The following USP9X variants were observed in gnomAD, a reference collection of about 807,000 sequenced individuals.
The protein encoded by USP9X is ubiquitin carboxyl-terminal hydrolase 9X.
Under a neutral mutation model 190.3 loss-of-function variants are expected in USP9X, and 7 were observed. That is an observed-to-expected ratio of 0.04 (90% CI 0.02 to 0.07). The LOEUF is 0.07. Among genes scored for constraint, USP9X ranks in the 10% least tolerant of loss-of-function variants. The probability of loss-of-function intolerance (pLI) is 1.00; values close to 1 mark genes in which losing one functional copy is unlikely to be tolerated. For synonymous variants in USP9X, 645 were observed against 659.5 expected (o/e 0.98, Z 0.34); for missense variants, 1,010 against 1,916.9 (o/e 0.53, Z 8.83).
At chrX:41,147,177 T>C (rs1391125699) in intron 11 of USP9X, among the ~76,000 whole-genome samples, 5 of 106,132 alleles carry the variant, frequency 4.7e-5, no homozygotes, top group Admixed American at 4.1e-4. Flanking sequence ...TACAGAAGGT[T>C]TTTTTTTTTT....
intron 19 of USP9X, 21 bp downstream of exon 19, chrX:41,170,256 G>T: frequency 8.4e-7 from 1 of 1,189,828 alleles, no homozygotes; most frequent in Non-Finnish European, 1.1e-6. Context: ...ATAGTTAACA[G>T]ATTTTTCAAT....
chrX:41,124,415 G>T (rs940026193), intron 2 of USP9X, among the ~76,000 whole-genome samples: 1 of 111,700 alleles, frequency 9.0e-6, no homozygotes, highest in Non-Finnish European at 1.9e-5. Context: ...CTGCACTCCA[G>T]CCTGGGTGAC....
chrX:41,113,765 C>T (rs1000688548), intron 1 of USP9X, among the ~76,000 whole-genome samples: 4 of 110,650 alleles, frequency 3.6e-5, no homozygotes, highest in African/African-American at 1.3e-4. Flanking sequence ...AACTGCATAG[C>T]TTGGAAATAC....
intron 39 of USP9X, among the ~76,000 whole-genome samples, chrX:41,223,798 T>C (rs963343354): frequency 3.6e-5 from 4 of 111,718 alleles, no homozygotes; most frequent in African/African-American, 1.3e-4. Flanking sequence ...TGGAGGAAGA[T>C]TTTTGCTTTG....
intron 29 of USP9X, 104 bp downstream of exon 29, chrX:41,197,614 G>T: frequency 1.4e-6 from 1 of 723,047 alleles, no homozygotes; most frequent in East Asian, 4.2e-5. Context: ...GTACTTTCTT[G>T]ATCTTTTCTC....
At chrX:41,170,731 G>A in intron 20 of USP9X, 112 bp downstream of exon 20, 1 of 774,498 alleles carries the variant, frequency 1.3e-6, no homozygotes, top group African/African-American at 2.1e-5. Context: ...AGTTTAATGA[G>A]ACAAAAAAAT....
chrX:41,182,102 G>A (rs756437888), intron 21 of USP9X, among the ~76,000 whole-genome samples: 1 of 112,035 alleles, frequency 8.9e-6, no homozygotes, highest in South Asian at 3.7e-4. Context: ...ACTTCTGACC[G>A]GGTCACGCTG....
chrX:41,228,454 A>G, intron 41 of USP9X, among the ~76,000 whole-genome samples: 1 of 111,709 alleles, frequency 9.0e-6, no homozygotes. Context: ...GCCAAATTGT[A>G]CTATTGCCTG....
At chrX:41,178,401 C>G (rs960525298) in intron 21 of USP9X, among the ~76,000 whole-genome samples, 2 of 110,557 alleles carry the variant, frequency 1.8e-5, no homozygotes, top group Middle Eastern at 4.2e-3. Flanking sequence ...GTGCCCCTGC[C>G]AAGTCATCCT....
intron 1 of USP9X, among the ~76,000 whole-genome samples, chrX:41,086,633 C>T (rs1205268057): frequency 8.9e-6 from 1 of 112,317 alleles, no homozygotes; most frequent in African/African-American, 3.2e-5. Flanking sequence ...TCCGCCTCCC[C>T]CCACCCTCCC....
chrX:41,150,302 G>C (rs776448784), intron 12 of USP9X, among the ~76,000 whole-genome samples: 1 of 111,681 alleles, frequency 9.0e-6, no homozygotes, highest in Non-Finnish European at 1.9e-5. Context: ...ACTGAGGTTT[G>C]AGAAGTAAAA....
chrX:41,194,454 T>A (rs1488315398), intron 26 of USP9X, among the ~76,000 whole-genome samples: 1 of 111,278 alleles, frequency 9.0e-6, no homozygotes, highest in Non-Finnish European at 1.9e-5. Flanking sequence ...CTCGGGAGGC[T>A]GAGGCAGGAG....
chrX:41,224,661 C>A, intron 39 of USP9X, 81 bp from the exon 40 acceptor site: 1 of 870,112 alleles, frequency 1.1e-6, no homozygotes, highest in Non-Finnish European at 1.6e-6. Flanking sequence ...AAATTATAGG[C>A]TATTTTCTAT....
At chrX:41,115,321 C>CT (rs1360495761) in intron 1 of USP9X, among the ~76,000 whole-genome samples, 1 of 110,638 alleles carries the variant, frequency 9.0e-6, no homozygotes. Flanking sequence ...AGTTAGGTCT[C>CT]TTGTCTCTAG....
At chrX:41,133,250 C>T (rs1023076372) in intron 4 of USP9X, among the ~76,000 whole-genome samples, 4 of 111,725 alleles carry the variant, frequency 3.6e-5, no homozygotes, top group African/African-American at 1.3e-4. Flanking sequence ...AAATACAATA[C>T]GCGGACAGGT....
intron 39 of USP9X, among the ~76,000 whole-genome samples, chrX:41,223,683 G>A (rs190208965): frequency 1.2e-4 from 13 of 111,200 alleles, no homozygotes; most frequent in African/African-American, 3.9e-4. Flanking sequence ...GTGATCTGCC[G>A]TCCTCGGCCT....
rs571196777 is a variant in USP9X at position 41,155,808 on chromosome X, C to T, written c.1897+2727C>T. Among the ~76,000 whole-genome samples the T allele has an allele frequency of 7.2e-4, 81 of 111,851 alleles. 2 individuals are homozygous for T. In the South Asian group the frequency reaches 0.028, roughly 39 times the overall value. The stretch of plus-strand genomic sequence containing the variant: ...AACAATTTGTACCTTCTTGGAGAAA[C>T]GGCTGTTTCCAGGCGTGGAACAGGG... On this transcript the variant is annotated intron_variant, in intron 14 of 44. Transcript: ENST00000378308.
chrX:41,135,250 C>A (rs2062361344), intron 5 of USP9X, among the ~76,000 whole-genome samples: 1 of 110,756 alleles, frequency 9.0e-6, no homozygotes, highest in South Asian at 3.9e-4. Flanking sequence ...AATGAACTTG[C>A]TATGCAGAAA....
chrX:41,230,037 C>T (rs2063346236), intron 43 of USP9X: 1 of 390,265 alleles, frequency 2.6e-6, no homozygotes, highest in Non-Finnish European at 4.2e-6. Context: ...CCCATCTCCA[C>T]TAAAAATAGA....
Sources: allele counts gnomAD v4.1 joint callset (sites outside exome capture counted in the v4.1 genomes callset), GRCh38; gene constraint gnomAD v4.1.1; transcripts MANE v1.5; gene names NCBI Gene and HGNC (gene_info 2026-07-23, HGNC 2026-07-21).